Variants in TSPAN11 observed in about 807,000 individuals in gnomAD.
TSPAN11 encodes the protein tetraspanin-11.
TSPAN11 carries 29 observed loss-of-function variants against 32.9 expected under a neutral mutation model. The observed-to-expected ratio is 0.88, with a 90% CI of 0.66 to 1.20. TSPAN11 has a LOEUF of 1.20. Ranked by LOEUF, TSPAN11 falls within the 50% of genes most tolerant of loss-of-function variation. TSPAN11 has a pLI of 0.00. For synonymous variants in TSPAN11, 140 were observed against 141.3 expected, an observed-to-expected ratio of 0.99 and a Z score of 0.07; for missense variants, 283 against 329.1, an observed-to-expected ratio of 0.86 and a Z score of 1.08.
Position 30,946,284 on chromosome 12 carries a change from A to C in TSPAN11, c.-11-7697A>C, listed in dbSNP as rs563464387. Among the ~76,000 whole-genome samples, 7 of 152,270 alleles carry C rather than the reference A, an allele frequency of 4.6e-5. No individual in the cohort carries two copies. The East Asian group carries it at 1.2e-3, about 25-fold the overall frequency. ...CAAATTCTCCAGTGTCTCACCCTAA[A>C]CCTAATGAATCAGAAACTTTGGGGG... On this transcript the variant is annotated intron_variant, in intron 1 of 7. Coordinates refer to ENST00000546076, the MANE Select transcript of TSPAN11 (RefSeq NM_001370302.1).
intron 7 of TSPAN11, among the ~76,000 whole-genome samples, chr12:30,988,955 C>T (rs1939258217): frequency 1.3e-5 from 2 of 152,224 alleles, no homozygotes; most frequent in South Asian, 4.1e-4. Flanking sequence ...GGCTGGGGAA[C>T]ATTTCACTAA....
rs1344641251 is a variant in TSPAN11 at position 30,954,070 on chromosome 12, T to G, written c.79T>G (p.Phe27Val). The G allele has an allele frequency of 6.2e-7, 1 of 1,612,534 alleles. No homozygotes were observed. ...KYLLFVFNFF[F>V]WVGGAAVLAV... ...TTTACTCTTTGTCTTCAACTTCTTC[T>G]TCTGGGTGAGTGAATTCTGCACACA... Residue 27 changes from phenylalanine (F) to valine (V), a missense_variant, in exon 2 of 8, where the codon TTC (phenylalanine) becomes GTC (valine). Physicochemically the swap from Phe to Val is conservative, Grantham distance 50. Coordinates refer to ENST00000546076, the MANE Select transcript of TSPAN11 (RefSeq NM_001370302.1).
rs1939345088 is a variant in TSPAN11, at chr12:30,992,918, G to C, written c.*1003G>C. ...CACCACACTGCTTCCAGGGGGTCCA[G>C]CTCTGCTTCCCTTCCCACCTGTCCT... On this transcript the variant is annotated 3_prime_UTR_variant, in exon 8 of 8. Transcript: ENST00000546076. 6.6e-6 allele frequency: 1 copy of C among 152,366 alleles called. No individual in the cohort carries two copies. Among genetic ancestry groups the C allele is most frequent in the Admixed American group, 6.5e-5 (1 of 15,290 alleles). 9.4% of individuals were successfully genotyped at this position (152,366 alleles called of 1,614,324 possible).
At chr12:31,002,226 C>T in the TSPAN11 span, among the ~76,000 whole-genome samples, 1 of 152,038 alleles carries the variant, frequency 6.6e-6, no homozygotes, top group Non-Finnish European at 1.5e-5. This position sits in a 1 kb window ranked among gnomAD's most constrained non-coding sequence, Gnocchi z 4.8. Flanking sequence ...AGGATGGGGC[C>T]CTGGAGGCTG....
intron 2 of TSPAN11, among the ~76,000 whole-genome samples, chr12:30,962,801 C>T (rs1938639983): frequency 6.6e-6 from 1 of 152,182 alleles, no homozygotes; most frequent in African/African-American, 2.4e-5. Context: ...AGTCCACATT[C>T]CCAGGAGCAG....
rs1450623343 is a variant in TSPAN11 at position 30,996,329 on chromosome 12, A to C, written c.*4414A>C. ...GTGCCCAGTCCTGCTTATAAACCTG[A>C]GGCCTGCTCCCCATACCCTGCCCTG... On this transcript the variant is annotated 3_prime_UTR_variant, in exon 8 of 8. Transcript: ENST00000546076. 6.6e-6 allele frequency: 1 copy of C among 152,200 alleles called. No homozygotes were observed. Among genetic ancestry groups the C allele is most frequent in the African/African-American group, 2.4e-5 (1 of 41,448 alleles). 9.4% of individuals were successfully genotyped at this position (152,200 alleles called of 1,614,324 possible).
chr12:31,005,820 A>T, the TSPAN11 span: 1 of 199,084 alleles, frequency 5.0e-6, no homozygotes, highest in Middle Eastern at 5.2e-4. Flanking sequence ...GTGCTGGGTG[A>T]TGGTTATGGA....
chr12:30,927,648 T>G (rs1289797680), intron 1 of TSPAN11, among the ~76,000 whole-genome samples: 1 of 151,754 alleles, frequency 6.6e-6, no homozygotes, highest in African/African-American at 2.4e-5. Context: ...CTCTGGGGCA[T>G]AGGGTGTGTG....
intron 1 of TSPAN11, among the ~76,000 whole-genome samples, chr12:30,934,299 T>C (rs1366875686): frequency 6.6e-6 from 1 of 152,252 alleles, no homozygotes; most frequent in African/African-American, 2.4e-5. Flanking sequence ...GGCAGCCATG[T>C]CTGCCTTGTT....
At chr12:30,957,629 ATCCCTCCC>A (rs60180017) in intron 2 of TSPAN11, among the ~76,000 whole-genome samples, 14 of 139,044 alleles carry the variant, frequency 1.0e-4, no homozygotes, top group Non-Finnish European at 2.0e-4. Context: ...AAATCAATCA[ATCCCTCCC>A]TCCCTCCCTC....
At chr12:30,951,544 C>T (rs1938381742) in intron 1 of TSPAN11, among the ~76,000 whole-genome samples, 1 of 152,122 alleles carries the variant, frequency 6.6e-6, no homozygotes, top group South Asian at 2.1e-4. Flanking sequence ...TTTAACCTGT[C>T]TAAACCTCGA....
At chr12:31,011,401 C>G in the TSPAN11 span, among the ~76,000 whole-genome samples, 1 of 152,192 alleles carries the variant, frequency 6.6e-6, no homozygotes, top group African/African-American at 2.4e-5. Flanking sequence ...CTTCTCTGAC[C>G]TCCTGAAGGA....
intron 3 of TSPAN11, 78 bp downstream of exon 3, chr12:30,964,095 C>T: frequency 6.5e-7 from 1 of 1,534,444 alleles, no homozygotes; most frequent in African/African-American, 1.4e-5. Flanking sequence ...TGAGAGGGGC[C>T]CCAGCCCTGG....
chr12:30,973,537 T>A (rs1938896796), intron 3 of TSPAN11, among the ~76,000 whole-genome samples: 1 of 152,192 alleles, frequency 6.6e-6, no homozygotes, highest in Admixed American at 6.5e-5. Context: ...AAAACCTGCC[T>A]GCCCTCTCCT....
chr12:30,943,828 A>T (rs943125170), intron 1 of TSPAN11, among the ~76,000 whole-genome samples: 1 of 152,224 alleles, frequency 6.6e-6, no homozygotes, highest in Non-Finnish European at 1.5e-5. Flanking sequence ...ATTAACTAAG[A>T]GGGAAACGGG....
chr12:30,980,768 G>A (rs1180555195), intron 5 of TSPAN11, among the ~76,000 whole-genome samples: 1 of 152,110 alleles, frequency 6.6e-6, no homozygotes, highest in Non-Finnish European at 1.5e-5. Flanking sequence ...ACACACAAGT[G>A]CACACCCACA....
chr12:30,944,135 A>C (rs1303318892), intron 1 of TSPAN11, among the ~76,000 whole-genome samples: 1 of 152,204 alleles, frequency 6.6e-6, no homozygotes, highest in East Asian at 1.9e-4. Flanking sequence ...ATAAAACTGT[A>C]TGTATTTACC....
chr12:31,009,355 G>T, the TSPAN11 span, among the ~76,000 whole-genome samples: 1 of 152,204 alleles, frequency 6.6e-6, no homozygotes, highest in African/African-American at 2.4e-5. Context: ...CAGCCTTAGA[G>T]CATTCTCCCA....
intron 3 of TSPAN11, among the ~76,000 whole-genome samples, chr12:30,966,401 G>A (rs901902651): frequency 6.6e-6 from 1 of 152,228 alleles, no homozygotes; most frequent in Non-Finnish European, 1.5e-5. Context: ...TGTGGAGGCA[G>A]AAGAAAAATG....
Sources: gnomAD v4.1 joint callset for allele counts (sites outside exome capture counted in the v4.1 genomes callset) on GRCh38, gnomAD v4.1.1 for gene constraint, Gnocchi (gnomAD v3.1) non-coding constraint, MANE v1.5 for transcripts, NCBI Gene and HGNC (gene_info 2026-07-23, HGNC 2026-07-21) for gene names.